The following ARFGEF1 variants were observed in gnomAD, a reference collection of about 807,000 sequenced individuals.
ARFGEF1 encodes ARF guanine nucleotide exchange factor 1, also known as brefeldin A-inhibited guanine nucleotide-exchange protein 1.
A neutral mutation model predicts 231.0 loss-of-function variants in ARFGEF1; 42 were observed. The observed-to-expected ratio is 0.18, with a 90% confidence interval of 0.14 to 0.24. The LOEUF is 0.24. Among genes scored for constraint, ARFGEF1 ranks in the 10% least tolerant of loss-of-function variants. ARFGEF1 has a pLI of 1.00. For synonymous variants in ARFGEF1, 710 were observed against 732.3 expected, an observed-to-expected ratio of 0.97 and a Z score of 0.49; for missense variants, 1,345 against 2,192.0, an observed-to-expected ratio of 0.61 and a Z score of 7.72.
At chr8:67,302,906 T>A (rs796230175) in intron 1 of ARFGEF1, among the ~76,000 whole-genome samples, 1,194 of 101,984 alleles carry the variant, frequency 0.012, 27 homozygotes, top group African/African-American at 0.042. Context: ...CCCCATCTCT[T>A]AAAAAAAAAA....
intron 5 of ARFGEF1, among the ~76,000 whole-genome samples, chr8:67,294,763 G>A (rs1587245448): frequency 6.6e-6 from 1 of 152,256 alleles, no homozygotes; most frequent in East Asian, 1.9e-4. Context: ...GGAAGGGATA[G>A]TATATAAACA....
intron 7 of ARFGEF1, 55 bp downstream of exon 7, chr8:67,287,900 C>A: frequency 8.1e-7 from 1 of 1,228,692 alleles, no homozygotes; most frequent in Non-Finnish European, 1.1e-6. Context: ...AAAGTCTCCA[C>A]AGTCAGATGA....
intron 14 of ARFGEF1, among the ~76,000 whole-genome samples, chr8:67,265,267 A>T (rs1306483360): frequency 1.3e-4 from 20 of 152,192 alleles, no homozygotes; most frequent in Admixed American, 1.3e-3. Flanking sequence ...CATTCACTAA[A>T]AGGCACTGCT....
At chr8:67,220,078 G>T (rs1213217411) in intron 29 of ARFGEF1, among the ~76,000 whole-genome samples, 2 of 152,230 alleles carry the variant, frequency 1.3e-5, no homozygotes, top group East Asian at 3.9e-4. Flanking sequence ...GAGGGGAGGG[G>T]TCTGTGTTTA....
chr8:67,200,814 G>T (rs1339323562), intron 37 of ARFGEF1, among the ~76,000 whole-genome samples: 1 of 152,154 alleles, frequency 6.6e-6, no homozygotes. Context: ...TTAGTTTCAA[G>T]AGACCTGGAC....
chr8:67,288,133 T>C, intron 6 of ARFGEF1, 68 bp from the exon 7 acceptor site: 1 of 1,010,172 alleles, frequency 9.9e-7, no homozygotes, highest in Non-Finnish European at 1.4e-6. Context: ...TAAACATTTA[T>C]GATGAAAAAA....
At chr8:67,208,622 TC>T in intron 34 of ARFGEF1, among the ~76,000 whole-genome samples, 1 of 103,140 alleles carries the variant, frequency 9.7e-6, no homozygotes, top group South Asian at 3.2e-4. Flanking sequence ...AGAGTGAGAC[TC>T]CATCTCAAAA....
chr8:67,238,230 G>T, intron 22 of ARFGEF1, 113 bp downstream of exon 22: 1 of 1,157,032 alleles, frequency 8.6e-7, no homozygotes, highest in African/African-American at 1.6e-5. Flanking sequence ...TTCTCATAAG[G>T]TTAGACAAAA....
Position 67,253,587 on chromosome 8 carries a change from C to A in ARFGEF1, c.2562G>T (p.Lys854Asn). Residue 854 changes from lysine (K) to asparagine (N), a missense_variant, in exon 18 of 39, where the codon AAG becomes AAT. This residue lies in a region of ARFGEF1 where 58 missense variants were observed against 133.6 expected (regional missense o/e 0.43). Transcript: ENST00000262215. ...KNKMTKEQYI[K>N]MNRGINDSKD... is the part of the protein sequence containing the mutation. ...TACTGTCATTGATACCTCTATTCAT[C>A]TTAATGTATTGTTCCTTTGTCATTT... 6.4e-7 allele frequency: 1 copy of A among 1,558,238 alleles called. No individual in the cohort carries two copies. Among genetic ancestry groups the A allele is most frequent in the South Asian group, 1.2e-5 (1 of 84,560 alleles).
intron 9 of ARFGEF1, among the ~76,000 whole-genome samples, chr8:67,273,038 T>C (rs1320008183): frequency 1.3e-5 from 2 of 151,742 alleles, no homozygotes; most frequent in African/African-American, 4.8e-5. Context: ...ACCTGGGAGG[T>C]GGAGGTTGCA....
chr8:67,195,238 C>G (rs183569250), downstream of ARFGEF1: 3 of 701,904 alleles, frequency 4.3e-6, no homozygotes, highest in Admixed American at 4.0e-5. Flanking sequence ...GTGAGTCTAA[C>G]CAAAACAAAC....
chr8:67,310,098 C>T (rs1223678813), intron 1 of ARFGEF1, among the ~76,000 whole-genome samples: 2 of 152,088 alleles, frequency 1.3e-5, no homozygotes, highest in Non-Finnish European at 2.9e-5. Flanking sequence ...TCCCCTCTCC[C>T]TCTCCCTCTC....
chr8:67,291,598 G>A (rs933878371), intron 6 of ARFGEF1, among the ~76,000 whole-genome samples: 9 of 151,976 alleles, frequency 5.9e-5, no homozygotes, highest in Non-Finnish European at 1.2e-4. Context: ...ATATATCTGC[G>A]CTCCAAAGGA....
chr8:67,302,086 G>T (rs1806517363), intron 2 of ARFGEF1, among the ~76,000 whole-genome samples: 1 of 151,844 alleles, frequency 6.6e-6, no homozygotes, highest in African/African-American at 2.4e-5. Context: ...GTAGTCCCAG[G>T]TACTCGGCAG....
chr8:67,199,207 G>C lies in ARFGEF1; in HGVS notation c.5386-109C>G, dbSNP rs139568546. ...TCCATCACAGGAGCCAGGAAAGCAG[G>C]GTCCACAGCAGGCAGTGACTCTGGT... On this transcript the variant is annotated intron_variant, in intron 38 of 38. Coordinates refer to ENST00000262215, the MANE Select transcript of ARFGEF1 (RefSeq NM_006421.5). The C allele has an allele frequency of 2.8e-5, 38 of 1,334,490 alleles. No individual in the cohort carries two copies. In the African/African-American group the frequency reaches 5.4e-4, roughly 19 times the overall value. 82.7% of individuals were successfully genotyped at this position (1,334,490 alleles called of 1,614,324 possible).
chr8:67,198,799 A>G lies in ARFGEF1; in HGVS notation c.*135T>C. On this transcript the variant is annotated 3_prime_UTR_variant, in exon 39 of 39. Coordinates refer to ENST00000262215, the MANE Select transcript of ARFGEF1 (RefSeq NM_006421.5). ...GACTGGAGTGTTGCAAGTTTGAGTA[A>G]GACTTCTAAGCATCTTTACCAGTAA... 6.9e-7 allele frequency: 1 copy of G among 1,452,550 alleles called. No homozygotes were observed. The highest frequency in any genetic ancestry group is 9.0e-7 in the Non-Finnish European group (1 of 1,106,890). The allele number at this position is 1,452,550 out of a possible 1,614,324, so 90.0% of individuals were successfully genotyped here.
At chr8:67,259,629 A>G (rs1343067578) in intron 15 of ARFGEF1, among the ~76,000 whole-genome samples, 186 bp downstream of exon 15, 1 of 152,020 alleles carries the variant, frequency 6.6e-6, no homozygotes, top group Non-Finnish European at 1.5e-5. Flanking sequence ...TTTTACAGAA[A>G]CGGGGCCAGG....
intron 11 of ARFGEF1, 28 bp from the exon 12 acceptor site, chr8:67,267,258 A>G: frequency 6.2e-7 from 1 of 1,607,920 alleles, no homozygotes; most frequent in East Asian, 2.2e-5. Flanking sequence ...TAATTTCAAC[A>G]AAGTACATCT....
In ARFGEF1 at chr8:67,197,932, A is replaced by G; in HGVS notation, c.*1002T>C. Reference sequence around the variant, plus strand: ...ATCTAACCTCCGCAAACCATGCCAGATTTGTTATTTTAATATATTCAACGT... The same window carrying G: ...ATCTAACCTCCGCAAACCATGCCAGGTTTGTTATTTTAATATATTCAACGT... On this transcript the variant is annotated 3_prime_UTR_variant, in exon 39 of 39. Transcript: ENST00000262215. 1 of 985,860 alleles carries G rather than the reference A, an allele frequency of 1.0e-6. No individual in the cohort carries two copies. The highest frequency in any genetic ancestry group is 1.2e-6 in the Non-Finnish European group (1 of 829,920). 61.1% of individuals were successfully genotyped at this position (985,860 alleles called of 1,614,324 possible). A position where few individuals can be genotyped will look rare whatever the true frequency, so the allele number is the denominator to read the frequency against.
Sources: allele counts gnomAD v4.1 joint callset (sites outside exome capture counted in the v4.1 genomes callset), GRCh38; gene constraint gnomAD v4.1.1; regional missense constraint gnomAD v4.1.1; transcripts MANE v1.5; gene names NCBI Gene and HGNC (gene_info 2026-07-23, HGNC 2026-07-21).